Variants in BRINP2 observed in about 807,000 individuals in gnomAD.
BRINP2 encodes the protein BMP/retinoic acid-inducible neural-specific protein 2.
In BRINP2, 21 loss-of-function variants were observed where a neutral mutation model predicts 69.2. The ratio of observed to expected loss-of-function variants is 0.30; its 90% CI spans 0.22 to 0.44. The LOEUF (loss-of-function observed/expected upper bound fraction) is 0.44, where lower values mean the gene tolerates loss of function less well. Ranked by LOEUF, BRINP2 falls within the 20% of genes least tolerant of loss-of-function variation. BRINP2 has a pLI of 1.00. For missense variants in BRINP2, 877 were observed against 986.0 expected (o/e 0.89, Z 1.48); for synonymous variants, 380 against 394.1 (o/e 0.96, Z 0.42).
At chr1:177,185,669 A>T in intron 1 of BRINP2, among the ~76,000 whole-genome samples, 1 of 152,236 alleles carries the variant, frequency 6.6e-6, no homozygotes, top group East Asian at 1.9e-4. Flanking sequence ...TAAGTCAGAC[A>T]CTTGTATTAT....
intron 4 of BRINP2, among the ~76,000 whole-genome samples, chr1:177,266,369 T>C (rs548411138): frequency 1.3e-5 from 2 of 152,094 alleles, no homozygotes; most frequent in Non-Finnish European, 2.9e-5. Context: ...TATGTCATAT[T>C]CTCATATCTC....
intron 1 of BRINP2, among the ~76,000 whole-genome samples, chr1:177,227,918 G>T (rs1489712792): frequency 1.3e-5 from 2 of 152,132 alleles, no homozygotes; most frequent in Non-Finnish European, 2.9e-5. Flanking sequence ...ATCTGGTAGG[G>T]CAGGAGCTGC....
chr1:177,254,055 T>G lies in BRINP2; in HGVS notation c.270-1864T>G, dbSNP rs112134971. ...AAAACTCATTTTTTATTAATGGATA[T>G]GATTCTTTAAATTTCATCCCAAGAC... On this transcript the variant is annotated intron_variant, in intron 2 of 7. Transcript: ENST00000361539. Among the ~76,000 whole-genome samples, 226 of 152,284 alleles carry G rather than the reference T, an allele frequency of 1.5e-3. 1 individual carries two copies. The highest frequency in any genetic ancestry group is 5.1e-3 in the African/African-American group (212 of 41,572).
Position 177,229,895 on chromosome 1 carries a change from A to G in BRINP2, c.19A>G (p.Thr7Ala), listed in dbSNP as rs1437332359. Residue 7 changes from threonine to alanine, a missense_variant, in exon 2 of 8, where the codon ACT becomes GCT. Thr to Ala is a moderately conservative substitution (Grantham distance 58, BLOSUM62 0). Around this residue, in one of 3 missense-constraint regions of BRINP2, gnomAD observed 566 missense variants for 625.2 expected, o/e 0.91. Coordinates refer to ENST00000361539, the MANE Select transcript of BRINP2 (RefSeq NM_021165.4). ...GAGAAGCATGAGGTGGCAGTGTGGC[A>G]CTCGGTTTAGAGGGCTTCGGCCGGC... is the stretch of plus-strand genomic sequence containing the variant. MRWQCG[T>A]RFRGLRPAVA... 1.3e-6 allele frequency: 2 copies of G among 1,590,074 alleles called. No individual in the cohort carries two copies. The highest frequency in any genetic ancestry group is 8.6e-7 in the Non-Finnish European group (1 of 1,164,152).
At chr1:177,273,448 C>T (rs759823675) in intron 4 of BRINP2, 40 bp from the exon 5 acceptor site, 45 of 1,399,410 alleles carry the variant, frequency 3.2e-5, no homozygotes, top group Non-Finnish European at 4.1e-5. Context: ...GGAGTCTCCA[C>T]TTGTTATCTA....
At chr1:177,259,651 C>T (rs12734243) in intron 4 of BRINP2, among the ~76,000 whole-genome samples, 6,491 of 152,272 alleles carry the variant, frequency 0.043, 197 homozygotes, top group Non-Finnish European at 0.061. Context: ...GAAGCCAAGA[C>T]TCATTTAGCA....
intron 2 of BRINP2, among the ~76,000 whole-genome samples, chr1:177,237,637 G>C (rs1332398967): frequency 6.6e-6 from 1 of 152,358 alleles, no homozygotes; most frequent in East Asian, 1.9e-4. Context: ...ATTCAGGATG[G>C]CCAAGGGGGG....
intron 1 of BRINP2, among the ~76,000 whole-genome samples, chr1:177,193,691 A>G (rs1648656473): frequency 6.6e-6 from 1 of 152,366 alleles, no homozygotes; most frequent in South Asian, 2.1e-4. Context: ...AGAATTTAAC[A>G]GAGAAAACCC....
intron 1 of BRINP2, among the ~76,000 whole-genome samples, chr1:177,191,034 G>C (rs1648580622): frequency 6.6e-6 from 1 of 152,074 alleles, no homozygotes; most frequent in Admixed American, 6.6e-5. Flanking sequence ...CATTCATATT[G>C]CAAAGGGCCC....
intron 2 of BRINP2, among the ~76,000 whole-genome samples, chr1:177,249,841 C>A (rs1223108451): frequency 1.3e-5 from 2 of 152,300 alleles, no homozygotes; most frequent in East Asian, 1.9e-4. Context: ...TCTGTAAGCA[C>A]ATTTTTACCA....
At chr1:177,202,055 G>A (rs543682331) in intron 1 of BRINP2, among the ~76,000 whole-genome samples, 34 of 151,984 alleles carry the variant, frequency 2.2e-4, no homozygotes, top group South Asian at 2.1e-4. Context: ...TATCCCCTTT[G>A]TCATTTTTTT....
At chr1:177,277,168 T>TA (rs1651527182) in intron 6 of BRINP2, among the ~76,000 whole-genome samples, 1 of 148,530 alleles carries the variant, frequency 6.7e-6, no homozygotes, top group African/African-American at 2.6e-5. Flanking sequence ...TATATATATA[T>TA]TTATATAATG....
intron 6 of BRINP2, among the ~76,000 whole-genome samples, chr1:177,277,621 G>T (rs997227759): frequency 6.6e-6 from 1 of 151,684 alleles, no homozygotes; most frequent in African/African-American, 2.4e-5. Flanking sequence ...ATGAGCTGAG[G>T]CCCCAGGGGT....
At chr1:177,213,803 C>T (rs1046521914) in intron 1 of BRINP2, among the ~76,000 whole-genome samples, 14 of 152,164 alleles carry the variant, frequency 9.2e-5, no homozygotes, top group Non-Finnish European at 1.5e-5. Context: ...AGCCTTTTCT[C>T]CCATCTTCCC....
intron 7 of BRINP2, 89 bp from the exon 8 acceptor site, chr1:177,280,323 C>G (rs188772885): frequency 7.7e-7 from 1 of 1,301,010 alleles, no homozygotes; most frequent in African/African-American, 1.5e-5. Flanking sequence ...GCCTTCCACG[C>G]CTAGTGGTCA....
intron 1 of BRINP2, among the ~76,000 whole-genome samples, chr1:177,222,991 A>G (rs1649585291): frequency 6.6e-6 from 1 of 152,192 alleles, no homozygotes; most frequent in African/African-American, 2.4e-5. Flanking sequence ...GGGATGAGCG[A>G]CTTTTTATTT....
intron 1 of BRINP2, among the ~76,000 whole-genome samples, chr1:177,210,514 T>C (rs950453814): frequency 6.6e-6 from 1 of 152,164 alleles, no homozygotes. Flanking sequence ...CATAGAAATA[T>C]ATAGGAATGG....
chr1:177,257,843 G>A (rs1650819681), intron 4 of BRINP2, among the ~76,000 whole-genome samples: 1 of 152,190 alleles, frequency 6.6e-6, no homozygotes, highest in African/African-American at 2.4e-5. Context: ...GTGGAGAAGT[G>A]AGCGGAAAGT....
At chr1:177,212,132 T>C (rs1649241773) in intron 1 of BRINP2, among the ~76,000 whole-genome samples, 1 of 152,176 alleles carries the variant, frequency 6.6e-6, no homozygotes, top group Non-Finnish European at 1.5e-5. Context: ...TGTGGCCTCA[T>C]AGATTAGTAT....
Sources: gnomAD v4.1 joint callset for allele counts (sites outside exome capture counted in the v4.1 genomes callset) on GRCh38, gnomAD v4.1.1 for gene constraint, gnomAD v4.1.1 regional missense constraint, MANE v1.5 for transcripts, NCBI Gene and HGNC (gene_info 2026-07-23, HGNC 2026-07-21) for gene names.